The following KIAA0930 variants were observed in gnomAD, a reference collection of about 807,000 sequenced individuals.
The protein encoded by KIAA0930 is uncharacterized protein KIAA0930.
A neutral mutation model predicts 43.9 loss-of-function variants in KIAA0930; 24 were observed. The ratio of observed to expected loss-of-function variants is 0.55; its 90% CI spans 0.40 to 0.77. The LOEUF is 0.77. KIAA0930 is among the 30% of genes least tolerant of loss of function. The probability of loss-of-function intolerance (pLI) is 0.00; values close to 1 mark genes in which losing one functional copy is unlikely to be tolerated. For synonymous variants in KIAA0930, 259 were observed against 216.4 expected (o/e 1.20, Z -1.73); for missense variants, 461 against 574.2 (o/e 0.80, Z 2.02).
intron 1 of KIAA0930, chr22:45,236,189 C>A: frequency 6.6e-6 from 1 of 152,518 alleles, no homozygotes; most frequent in Non-Finnish European, 1.5e-5. Flanking sequence ...GAGGTCAAGA[C>A]AGAACCCACC....
At position 45,196,872 on chromosome 22, in the gene KIAA0930, T is replaced by G; in HGVS notation, c.*304A>C. The G allele has an allele frequency of 2.6e-6, 1 of 384,342 alleles. No individual in the cohort carries two copies. Among genetic ancestry groups the G allele is most frequent in the Non-Finnish European group, 4.7e-6 (1 of 214,406 alleles). The allele number at this position is 384,342 out of a possible 1,614,324, so 23.8% of individuals were successfully genotyped here. ...TCTGGGCATCAGCTGCTCCTTCCGCTCTCTCTCATGGCCGCTCGGCATCTC... is the reference window on the plus strand; with the variant it reads ...TCTGGGCATCAGCTGCTCCTTCCGCGCTCTCTCATGGCCGCTCGGCATCTC... On this transcript the variant is annotated 3_prime_UTR_variant, in exon 10 of 10. Transcript: ENST00000336156. The surrounding 1 kb of genome is among the most constrained non-coding windows in gnomAD (Gnocchi z 4.1).
In KIAA0930 at chr22:45,195,148, C is replaced by T. The variant is rs2083524840; in HGVS notation, c.*2028G>A. 1 of 152,246 alleles carries T rather than the reference C, an allele frequency of 6.6e-6. No individual in the cohort carries two copies. The highest frequency in any genetic ancestry group is 1.5e-5 in the Non-Finnish European group (1 of 68,072). 9.4% of individuals were successfully genotyped at this position (152,246 alleles called of 1,614,324 possible). Reference sequence around the variant, plus strand: ...CCTGTGAGGGGGGCAGCATTTTTGCCATCTTACAGACGGGGAGCCCAGCTT... The same window carrying T: ...CCTGTGAGGGGGGCAGCATTTTTGCTATCTTACAGACGGGGAGCCCAGCTT... On this transcript the variant is annotated 3_prime_UTR_variant, in exon 10 of 10. Transcript: ENST00000336156.
intron 1 of KIAA0930, among the ~76,000 whole-genome samples, chr22:45,235,938 G>C (rs1251203951): frequency 6.6e-6 from 1 of 152,226 alleles, no homozygotes; most frequent in Non-Finnish European, 1.5e-5. Flanking sequence ...AGTGATGGCG[G>C]GTTGGGGGAG....
intron 1 of KIAA0930, among the ~76,000 whole-genome samples, chr22:45,224,169 C>G (rs2083784542): frequency 2.0e-5 from 3 of 152,100 alleles, no homozygotes; most frequent in Non-Finnish European, 4.4e-5. Flanking sequence ...AAAGCCAGGA[C>G]ACAAAATTAT....
Position 45,196,930 on chromosome 22 carries a change from G to A in KIAA0930, c.*246C>T. On this transcript the variant is annotated 3_prime_UTR_variant, in exon 10 of 10. Transcript: ENST00000336156. This position sits in a 1 kb window ranked among gnomAD's most constrained non-coding sequence, Gnocchi z 4.1. The stretch of plus-strand genomic sequence containing the variant: ...CTTTGGGTGCAGAGGGCTCTCCAGA[G>A]ATGGGTGGGGGGCGATGGGCGGGGG... The A allele has an allele frequency of 2.1e-6, 1 of 484,004 alleles. No individual in the cohort carries two copies. Among genetic ancestry groups the A allele is most frequent in the Non-Finnish European group, 3.6e-6 (1 of 274,486 alleles). The allele number at this position is 484,004 out of a possible 1,614,324, so 30.0% of individuals were successfully genotyped here. A position where few individuals can be genotyped will look rare whatever the true frequency, so the allele number is the denominator to read the frequency against.
At chr22:45,219,767 T>C (rs1333566779) in intron 1 of KIAA0930, among the ~76,000 whole-genome samples, 1 of 151,954 alleles carries the variant, frequency 6.6e-6, no homozygotes, top group Non-Finnish European at 1.5e-5. Context: ...AATTTTTGTA[T>C]TTTTGGTAGA....
chr22:45,219,096 TG>T (rs1238709885), intron 1 of KIAA0930, among the ~76,000 whole-genome samples: 2 of 152,202 alleles, frequency 1.3e-5, no homozygotes, highest in African/African-American at 4.8e-5. Context: ...CAATATGGGA[TG>T]GGGGAAGACT....
At chr22:45,211,024 A>AGCTCAGG (rs1230215114) in intron 2 of KIAA0930, among the ~76,000 whole-genome samples, 5 of 152,110 alleles carry the variant, frequency 3.3e-5, no homozygotes, top group African/African-American at 1.2e-4. Context: ...AAGTGGGGCT[A>AGCTCAGG]GCTCAGGGCT....
rs560988317 is a variant in KIAA0930, at chr22:45,223,593, A to G, written c.65-11486T>C. Among the ~76,000 whole-genome samples the G allele has an allele frequency of 2.0e-5, 3 of 152,248 alleles. No individual in the cohort carries two copies. The South Asian group carries it at 6.2e-4, about 32-fold the overall frequency. ...TAGGATCAGCACCAGATAAGCACCC[A>G]GGGTCAGCACTGAGCCAGCAACTAG... On this transcript the variant is annotated intron_variant, in intron 1 of 9. Transcript: ENST00000336156.
At chr22:45,239,865 G>A (rs901845319) in intron 1 of KIAA0930, among the ~76,000 whole-genome samples, 1 of 152,050 alleles carries the variant, frequency 6.6e-6, no homozygotes, top group African/African-American at 2.4e-5. Flanking sequence ...AACCTGAGAC[G>A]ACAAAAGAGG....
At chr22:45,229,667 C>G (rs1356202695) in intron 1 of KIAA0930, among the ~76,000 whole-genome samples, 1 of 152,198 alleles carries the variant, frequency 6.6e-6, no homozygotes, top group Admixed American at 6.5e-5. Flanking sequence ...GAGGGTGATT[C>G]CAGGCCAAGT....
chr22:45,218,333 A>ATT (rs752298111), intron 1 of KIAA0930, among the ~76,000 whole-genome samples: 3,341 of 51,728 alleles, frequency 0.065, 342 homozygotes, highest in Admixed American at 0.091. Context: ...AATTTTTTTG[A>ATT]TTTTTTTTTT....
At chr22:45,210,385 T>C (rs1162847264) in intron 2 of KIAA0930, among the ~76,000 whole-genome samples, 2 of 152,092 alleles carry the variant, frequency 1.3e-5, no homozygotes, top group Non-Finnish European at 2.9e-5. Flanking sequence ...GAGGAGCCTG[T>C]GCCCGCCATG....
intron 1 of KIAA0930, among the ~76,000 whole-genome samples, chr22:45,225,695 C>A (rs1477215660): frequency 1.3e-5 from 2 of 152,132 alleles, no homozygotes; most frequent in Admixed American, 6.5e-5. Context: ...TTGCAGTCAC[C>A]CCCTCGGGGT....
intron 1 of KIAA0930, chr22:45,226,306 G>C (rs1453134362): frequency 4.2e-6 from 2 of 470,980 alleles, no homozygotes; most frequent in African/African-American, 4.0e-5. Flanking sequence ...TTCAAGTCCG[G>C]GCACCTGGCA....
chr22:45,212,010 A>G lies in KIAA0930; in HGVS notation c.162T>C (p.Tyr54=). 6.2e-7 allele frequency: 1 copy of G among 1,613,720 alleles called. No individual in the cohort carries two copies. Among genetic ancestry groups the G allele is most frequent in the African/African-American group, 1.3e-5 (1 of 75,020 alleles). Reference sequence around the variant, plus strand: ...CGGAGTACGCCAGCTTCCGGCGCACATAGAAAAGCATGTCGTCCTGCCGGG... The same window carrying G: ...CGGAGTACGCCAGCTTCCGGCGCACGTAGAAAAGCATGTCGTCCTGCCGGG... ...WAPRQDDMLF[Y]VRRKLAYSGS... Residue 54 remains tyrosine, a synonymous_variant, in exon 2 of 10, where the codon TAT becomes TAC. Transcript: ENST00000336156.
chr22:45,197,124 A>G lies in KIAA0930; in HGVS notation c.*52T>C. On this transcript the variant is annotated 3_prime_UTR_variant, in exon 10 of 10. Transcript: ENST00000336156. ...GGCGGTGGACAGGTAGGCACTTGGC[A>G]GCACTCCGAGGGCTGGGCCCGGCCG... 1 of 1,465,818 alleles carries G rather than the reference A, an allele frequency of 6.8e-7. No individual in the cohort carries two copies. Among genetic ancestry groups the G allele is most frequent in the Non-Finnish European group, 9.2e-7 (1 of 1,090,474 alleles). 90.8% of individuals were successfully genotyped at this position (1,465,818 alleles called of 1,614,324 possible). A position where few individuals can be genotyped will look rare whatever the true frequency, so the allele number is the denominator to read the frequency against.
rs1007675952 is a variant in KIAA0930, at chr22:45,208,010, G to A, written c.217-2098C>T. Among the ~76,000 whole-genome samples, 6 of 152,184 alleles carry A rather than the reference G, an allele frequency of 3.9e-5. No individual in the cohort carries two copies. In the South Asian group the frequency reaches 8.3e-4, roughly 21 times the overall value. ...CAGTGAATGAAAGGCTCGGGGGCAC[G>A]ATCACACGGCTGTTCGGGGCAGCAC... On this transcript the variant is annotated intron_variant, in intron 2 of 9. Coordinates refer to ENST00000336156, the MANE Select transcript of KIAA0930 (RefSeq NM_001009880.2).
intron 2 of KIAA0930, among the ~76,000 whole-genome samples, chr22:45,209,493 G>A (rs779036634): frequency 4.6e-5 from 7 of 152,114 alleles, no homozygotes; most frequent in Non-Finnish European, 1.0e-4. Context: ...TGTGGCACTC[G>A]TCACACACCC....
Sources: gnomAD v4.1 joint callset for allele counts (sites outside exome capture counted in the v4.1 genomes callset) on GRCh38, gnomAD v4.1.1 for gene constraint, Gnocchi (gnomAD v3.1) non-coding constraint, MANE v1.5 for transcripts, NCBI Gene and HGNC (gene_info 2026-07-23, HGNC 2026-07-21) for gene names.